ITGA11: variants seen among roughly 807,000 people sequenced by gnomAD.
The protein encoded by ITGA11 is integrin alpha-11.
In ITGA11, 97 loss-of-function variants were observed where a neutral mutation model predicts 141.9. That is an observed-to-expected ratio of 0.68 (90% CI 0.58 to 0.81). The LOEUF is 0.81. Ranked by LOEUF, ITGA11 falls within the 30% of genes least tolerant of loss-of-function variation. The probability of loss-of-function intolerance (pLI) is 0.00; values close to 1 mark genes in which losing one functional copy is unlikely to be tolerated. For missense variants in ITGA11, 1,387 were observed against 1,559.2 expected, an observed-to-expected ratio of 0.89 and a Z score of 1.86; for synonymous variants, 658 against 624.6, an observed-to-expected ratio of 1.05 and a Z score of -0.80.
intron 1 of ITGA11, among the ~76,000 whole-genome samples, chr15:68,419,322 C>T (rs1438941351): frequency 1.3e-5 from 2 of 152,212 alleles, no homozygotes; most frequent in African/African-American, 4.8e-5. Context: ...GGGCTCATGA[C>T]TCCATCTGCC....
chr15:68,362,237 C>A (rs1895267059), intron 4 of ITGA11, among the ~76,000 whole-genome samples: 2 of 152,206 alleles, frequency 1.3e-5, no homozygotes, highest in Admixed American at 1.3e-4. Flanking sequence ...ACACTGATGT[C>A]AGTCCCCATT....
intron 2 of ITGA11, among the ~76,000 whole-genome samples, chr15:68,376,324 G>A (rs535126405): frequency 2.0e-5 from 3 of 152,094 alleles, no homozygotes; most frequent in Non-Finnish European, 4.4e-5. Flanking sequence ...TCCCCAAAGC[G>A]GCCTTTCCTG....
intron 1 of ITGA11, among the ~76,000 whole-genome samples, chr15:68,404,197 T>G (rs960764426): frequency 6.6e-6 from 1 of 152,084 alleles, no homozygotes; most frequent in Admixed American, 6.6e-5. Context: ...GTCAGGCAAC[T>G]GACATCCACC....
chr15:68,362,166 C>T (rs1246239683), intron 4 of ITGA11, among the ~76,000 whole-genome samples: 1 of 152,190 alleles, frequency 6.6e-6, no homozygotes, highest in Non-Finnish European at 1.5e-5. Context: ...TGCCATGGCT[C>T]ATACTGGGGC....
rs753320941 is a variant in ITGA11, at chr15:68,326,728, C to T, written c.2137G>A (p.Asp713Asn). The change falls in exon 17 of 30, where the codon GAC becomes AAC. Residue 713 changes from aspartate (D) to asparagine (N), a missense_variant. By Grantham distance (23) the Asp-to-Asn change is conservative. Coordinates refer to ENST00000315757, the MANE Select transcript of ITGA11 (RefSeq NM_001004439.2). The surrounding 1 kb of genome is among the most constrained non-coding windows in gnomAD (Gnocchi z 6.8). ...TPRAHLDEGG[D>N]RFTNRAVLLS... ...AGTACGGCTCTGTTGGTGAATCGGTCCCCGCCCTCGTCCAGGTGGGCCCTC... is the reference window on the plus strand; with the variant it reads ...AGTACGGCTCTGTTGGTGAATCGGTTCCCGCCCTCGTCCAGGTGGGCCCTC... The T allele has an allele frequency of 6.3e-6, 10 of 1,582,870 alleles. No individual in the cohort carries two copies. The highest frequency in any genetic ancestry group is 1.7e-4 in the Middle Eastern group (1 of 6,030).
intron 24 of ITGA11, among the ~76,000 whole-genome samples, chr15:68,311,810 C>A (rs918411911): frequency 2.6e-5 from 4 of 152,220 alleles, no homozygotes; most frequent in African/African-American, 9.6e-5. Context: ...TAATTAAACT[C>A]GCTATTTATT....
chr15:68,391,104 G>A (rs1367661210), intron 2 of ITGA11, among the ~76,000 whole-genome samples: 3 of 152,050 alleles, frequency 2.0e-5, no homozygotes, highest in Non-Finnish European at 4.4e-5. Context: ...AGCAGGGAGG[G>A]GAAAGCCAAG....
chr15:68,389,733 C>T (rs1007946615), intron 2 of ITGA11, among the ~76,000 whole-genome samples: 17 of 152,340 alleles, frequency 1.1e-4, no homozygotes, highest in Non-Finnish European at 1.5e-4. Context: ...CAGTCTTCTG[C>T]TCCCTGGCGC....
At chr15:68,342,997 TTCTCTCTCTCTCTCTCTC>T (rs6145615) in intron 10 of ITGA11, among the ~76,000 whole-genome samples, 42 of 144,026 alleles carry the variant, frequency 2.9e-4, no homozygotes, top group East Asian at 8.2e-4. Flanking sequence ...GGGCAAGTTC[TTCTCTCTCTCTCTCTCTC>T]TCTCTCTCTC....
intron 2 of ITGA11, among the ~76,000 whole-genome samples, chr15:68,388,957 T>G (rs1331693042): frequency 6.6e-6 from 1 of 152,202 alleles, no homozygotes; most frequent in Non-Finnish European, 1.5e-5. Context: ...CTCTGCTTTT[T>G]GTACCTTCTC....
At chr15:68,384,459 G>A (rs1433749146) in intron 2 of ITGA11, among the ~76,000 whole-genome samples, 1 of 152,020 alleles carries the variant, frequency 6.6e-6, no homozygotes, top group Non-Finnish European at 1.5e-5. Flanking sequence ...GCATTTGAGG[G>A]CCTGAAGATG....
At chr15:68,383,528 C>T (rs772706044) in intron 2 of ITGA11, among the ~76,000 whole-genome samples, 13 of 152,142 alleles carry the variant, frequency 8.5e-5, no homozygotes, top group Non-Finnish European at 1.9e-4. Flanking sequence ...CATTTTATAG[C>T]CTAACTGAAT....
chr15:68,361,535 G>T, intron 5 of ITGA11, 55 bp downstream of exon 5: 1 of 1,197,240 alleles, frequency 8.4e-7, no homozygotes, highest in Non-Finnish European at 1.2e-6. Flanking sequence ...CAGGGCCCAA[G>T]TCTCTCTGGA....
intron 4 of ITGA11, among the ~76,000 whole-genome samples, chr15:68,362,337 A>AT (rs1360472487): frequency 7.2e-5 from 11 of 152,280 alleles, no homozygotes; most frequent in Non-Finnish European, 8.8e-5. Context: ...TGCTATCAGG[A>AT]AACCCAGAGC....
In ITGA11 at chr15:68,418,676, G is replaced by A. The variant is rs142012622; in HGVS notation, c.52+13339C>T. Among the ~76,000 whole-genome samples the A allele has an allele frequency of 5.2e-3, 791 of 150,770 alleles. 2 individuals carry two copies. Among genetic ancestry groups the A allele is most frequent in the Non-Finnish European group, 8.4e-3 (573 of 67,884 alleles). ...CGCACAGCCGGTACAGCTGTACGTGGCGGCCCTGCCCACACTGATTCTGGC... is the reference window on the plus strand; with the variant it reads ...CGCACAGCCGGTACAGCTGTACGTGACGGCCCTGCCCACACTGATTCTGGC... On this transcript the variant is annotated intron_variant, in intron 1 of 29. Transcript: ENST00000315757.
At chr15:68,319,819 A>G (rs1011151476) in intron 20 of ITGA11, among the ~76,000 whole-genome samples, 1 of 152,158 alleles carries the variant, frequency 6.6e-6, no homozygotes, top group Non-Finnish European at 1.5e-5. Flanking sequence ...CTGGCTGCAC[A>G]CTGAAGTCAC....
rs773473547 is a variant in ITGA11 at position 68,331,870 on chromosome 15, T to C, written c.1759A>G (p.Thr587Ala). Reference protein sequence around the residue: ...FHGFRGSILKTPKQRITASEL... With the variant: ...FHGFRGSILKAPKQRITASEL... ...CAGGGAAGCCTGACCTGCTTAGGTG[T>C]CTTCAGGATGCTGCCTCGGAAGCCG... is the stretch of plus-strand genomic sequence containing the variant. Residue 587 changes from threonine (T) to alanine (A), a missense_variant, in exon 14 of 30, where the codon ACA becomes GCA. Physicochemically the swap from Thr to Ala is moderately conservative, Grantham distance 58. Coordinates refer to ENST00000315757, the MANE Select transcript of ITGA11 (RefSeq NM_001004439.2). The C allele has an allele frequency of 4.3e-6, 7 of 1,611,884 alleles. No individual in the cohort carries two copies. The highest frequency in any genetic ancestry group is 5.1e-6 in the Non-Finnish European group (6 of 1,179,150).
chr15:68,315,642 G>C lies in ITGA11; in HGVS notation c.2792+9C>G. 1 of 1,611,244 alleles carries C rather than the reference G, an allele frequency of 6.2e-7. No individual in the cohort carries two copies. The highest frequency in any genetic ancestry group is 1.1e-5 in the South Asian group (1 of 90,698). On this transcript the variant is annotated intron_variant, in intron 22 of 29. Transcript: ENST00000315757. ...AGCTTTGGGGAGAAGGAGCAGGCACGGCCCTGACCTGCCTGCAGCGAGCTC... is the reference window on the plus strand; with the variant it reads ...AGCTTTGGGGAGAAGGAGCAGGCACCGCCCTGACCTGCCTGCAGCGAGCTC...
chr15:68,309,901 C>A (rs1366643155), intron 26 of ITGA11, among the ~76,000 whole-genome samples: 3 of 152,134 alleles, frequency 2.0e-5, no homozygotes, highest in Non-Finnish European at 4.4e-5. Flanking sequence ...CCGTGCACGG[C>A]CTAATGCAGT....
Sources: allele counts gnomAD v4.1 joint callset (sites outside exome capture counted in the v4.1 genomes callset), GRCh38; gene constraint gnomAD v4.1.1; non-coding constraint Gnocchi (gnomAD v3.1); transcripts MANE v1.5; gene names NCBI Gene and HGNC (gene_info 2026-07-23, HGNC 2026-07-21).